The following NT5C2 variants were observed in gnomAD, a reference collection of about 807,000 sequenced individuals.
NT5C2 encodes the protein 5'-nucleotidase, cytosolic II.
NT5C2 carries 58 observed loss-of-function variants against 76.1 expected under a neutral mutation model. That is an observed-to-expected ratio of 0.76 (90% confidence interval 0.62 to 0.95). The LOEUF is 0.95. Ranked by LOEUF, NT5C2 falls within the 40% of genes least tolerant of loss-of-function variation. NT5C2 has a pLI of 0.00. For synonymous variants in NT5C2, 229 were observed against 237.4 expected (o/e 0.96, Z 0.32); for missense variants, 478 against 690.3 (o/e 0.69, Z 3.45).
At chr10:103,129,000 C>A (rs2077313769) in intron 4 of NT5C2, among the ~76,000 whole-genome samples, 1 of 112,816 alleles carries the variant, frequency 8.9e-6, no homozygotes, top group Non-Finnish European at 2.0e-5. Context: ...CCCCGCCCGG[C>A]CAGCCGCCCC....
intron 4 of NT5C2, among the ~76,000 whole-genome samples, chr10:103,118,053 T>C (rs1275703140): frequency 2.6e-5 from 4 of 152,234 alleles, no homozygotes; most frequent in Non-Finnish European, 5.9e-5. Flanking sequence ...TGAAGGATAA[T>C]ATCTATTTGG....
chr10:103,158,831 A>G (rs535370121), intron 3 of NT5C2, among the ~76,000 whole-genome samples: 61 of 151,932 alleles, frequency 4.0e-4, no homozygotes, highest in Admixed American at 7.2e-4. Flanking sequence ...AAAAAAAAAA[A>G]AAGAAGAATA....
chr10:103,125,293 AGTT>A, intron 4 of NT5C2: 2 of 555,878 alleles, frequency 3.6e-6, no homozygotes, highest in African/African-American at 2.0e-5. Flanking sequence ...TCATTGTCAC[AGTT>A]AAAAAAAAAA....
chr10:103,141,833 CT>C (rs2136335021), intron 3 of NT5C2, among the ~76,000 whole-genome samples: 1 of 152,272 alleles, frequency 6.6e-6, no homozygotes, highest in Non-Finnish European at 1.5e-5. Flanking sequence ...GTAATTTACT[CT>C]GTTTATCCTT....
chr10:103,181,901 A>G (rs1411086556), intron 1 of NT5C2, among the ~76,000 whole-genome samples: 1 of 151,746 alleles, frequency 6.6e-6, no homozygotes, highest in East Asian at 1.9e-4. Flanking sequence ...CAGCTACTCG[A>G]GAAGCTGAGG....
intron 4 of NT5C2, among the ~76,000 whole-genome samples, chr10:103,116,587 C>CTTTTTTTTTTTTTTT (rs11451961): frequency 4.8e-5 from 6 of 126,224 alleles, no homozygotes; most frequent in African/African-American, 1.2e-4. Context: ...TTTTTTTTTT[C>CTTTTTTTTTTTTTTT]TTTTTTTTTT....
intron 4 of NT5C2, among the ~76,000 whole-genome samples, chr10:103,138,864 G>A (rs953755192): frequency 2.0e-5 from 3 of 151,024 alleles, no homozygotes; most frequent in South Asian, 2.1e-4. Context: ...AAAATTAGCC[G>A]GGTGTGGTGG....
intron 4 of NT5C2, among the ~76,000 whole-genome samples, chr10:103,132,850 G>A (rs1276553800): frequency 1.2e-4 from 18 of 151,722 alleles, no homozygotes; most frequent in African/African-American, 2.7e-4. Context: ...GCGCCTGGCC[G>A]CGGTCTAAAG....
chr10:103,187,535 G>A (rs1391108617), intron 1 of NT5C2, among the ~76,000 whole-genome samples: 2 of 140,534 alleles, frequency 1.4e-5, no homozygotes, highest in East Asian at 4.2e-4. Context: ...CTGGGGGGCA[G>A]AGTGAGAATC....
intron 8 of NT5C2, 38 bp downstream of exon 8, chr10:103,101,007 A>G: frequency 8.7e-7 from 1 of 1,149,612 alleles, no homozygotes; most frequent in South Asian, 1.3e-5. Context: ...TTAATTTTAA[A>G]AATCAATTGG....
chr10:103,090,007 C>A, intron 18 of NT5C2, 99 bp from the exon 19 acceptor site: 1 of 876,140 alleles, frequency 1.1e-6, no homozygotes, highest in Non-Finnish European at 1.7e-6. Flanking sequence ...CATGCAATTA[C>A]ATCTATAATG....
At chr10:103,096,241 G>T (rs2068131706) in intron 11 of NT5C2, among the ~76,000 whole-genome samples, 1 of 152,148 alleles carries the variant, frequency 6.6e-6, no homozygotes, top group East Asian at 1.9e-4. Flanking sequence ...ACACACATTT[G>T]GAGGAAAGGA....
chr10:103,137,074 A>C (rs1307019576), intron 4 of NT5C2, among the ~76,000 whole-genome samples: 1 of 152,354 alleles, frequency 6.6e-6, no homozygotes, highest in East Asian at 1.9e-4. Flanking sequence ...CAATGTAAAG[A>C]GATTGTCTTA....
intron 4 of NT5C2, among the ~76,000 whole-genome samples, chr10:103,135,009 A>C (rs938010895): frequency 6.6e-6 from 1 of 152,222 alleles, no homozygotes; most frequent in East Asian, 1.9e-4. Flanking sequence ...CTGTATCCCC[A>C]TTGTATGTAA....
Position 103,091,616 on chromosome 10 carries a change from C to T in NT5C2, c.1160-1G>A. The T allele has an allele frequency of 6.2e-7, 1 of 1,612,258 alleles. No individual in the cohort carries two copies. Among genetic ancestry groups the T allele is most frequent in the Non-Finnish European group, 8.5e-7 (1 of 1,178,454 alleles). On this transcript the variant is annotated splice_acceptor_variant, in intron 15 of 18. Coordinates refer to ENST00000404739, the MANE Select transcript of NT5C2 (RefSeq NM_001351169.2). LOFTEE classifies it high-confidence loss of function. ...AAGCTCTGAAGTTCTTCGAAAAGTG[C>T]TAGTTAAGGTTTGGAAGGAAAAGGA...
chr10:103,143,879 C>G (rs976965722), intron 3 of NT5C2, among the ~76,000 whole-genome samples: 4 of 151,922 alleles, frequency 2.6e-5, no homozygotes, highest in African/African-American at 9.7e-5. Flanking sequence ...CACTTGAGCC[C>G]AAGAGGTCAA....
rs767456934 is a variant in NT5C2, at chr10:103,174,956, CATTTT to C, written c.-3_2del. ...GTAACCGATCACTCCAGGAGGTTGACATTTTATTTTAACTGTATTTTGTATTCTAG... is the reference window on the plus strand; with the variant it reads ...GTAACCGATCACTCCAGGAGGTTGACATTTTAACTGTATTTTGTATTCTAG... On this transcript the variant is annotated start_lost and start_retained_variant and 5_prime_UTR_variant, in exon 3 of 19. Coordinates refer to ENST00000404739, the MANE Select transcript of NT5C2 (RefSeq NM_001351169.2). 4.4e-6 allele frequency: 7 copies of C among 1,593,192 alleles called. No individual in the cohort carries two copies. The highest frequency in any genetic ancestry group is 5.2e-6 in the Non-Finnish European group (6 of 1,161,418).
chr10:103,176,254 G>T (rs552602130), intron 2 of NT5C2, among the ~76,000 whole-genome samples: 1 of 152,132 alleles, frequency 6.6e-6, no homozygotes. Context: ...TCCCATCAGC[G>T]ATCTGGTTTT....
chr10:103,147,279 A>G (rs2081643214), intron 3 of NT5C2, among the ~76,000 whole-genome samples: 1 of 152,244 alleles, frequency 6.6e-6, no homozygotes, highest in Non-Finnish European at 1.5e-5. Flanking sequence ...TCATTTTGTC[A>G]AAATCAGTTT....
Sources: allele counts gnomAD v4.1 joint callset (sites outside exome capture counted in the v4.1 genomes callset), GRCh38; gene constraint gnomAD v4.1.1; transcripts MANE v1.5; gene names NCBI Gene and HGNC (gene_info 2026-07-23, HGNC 2026-07-21).